The following LNX1 variants were observed in gnomAD, a reference collection of about 807,000 sequenced individuals.
LNX1 encodes the protein ligand of numb-protein X 1, also known as E3 ubiquitin-protein ligase LNX.
In LNX1, 54 loss-of-function variants were observed where a neutral mutation model predicts 68.4. The observed-to-expected ratio is 0.79, with a 90% CI of 0.63 to 0.99. The LOEUF (loss-of-function observed/expected upper bound fraction) is 0.99, where lower values mean the gene tolerates loss of function less well. Among genes scored for constraint, LNX1 ranks in the 50% least tolerant of loss-of-function variants. The probability of loss-of-function intolerance (pLI) is 0.00; values close to 1 mark genes in which losing one functional copy is unlikely to be tolerated. For missense variants in LNX1, 906 were observed against 926.4 expected, an observed-to-expected ratio of 0.98 and a Z score of 0.29; for synonymous variants, 336 against 350.0, an observed-to-expected ratio of 0.96 and a Z score of 0.45.
intron 2 of LNX1, among the ~76,000 whole-genome samples, chr4:53,530,253 T>TA (rs1447690380): frequency 6.6e-6 from 1 of 152,028 alleles, no homozygotes; most frequent in Non-Finnish European, 1.5e-5. Context: ...GAATCGTAAG[T>TA]AAAAAAGCCT....
Position 53,574,031 on chromosome 4 carries a change from A to G in LNX1, c.-29T>C, listed in dbSNP as rs1268670239. ...GGATTGGAGAGCAGTATAACAGGAA[A>G]CTCAGTCACACAATATTTCCTCAGG... On this transcript the variant is annotated 5_prime_UTR_variant, in exon 2 of 11. Transcript: ENST00000263925. The G allele has an allele frequency of 6.4e-7, 1 of 1,574,260 alleles. No homozygotes were observed. Among genetic ancestry groups the G allele is most frequent in the East Asian group, 2.3e-5 (1 of 44,426 alleles).
At chr4:53,590,071 C>G (rs544894704) in intron 1 of LNX1, among the ~76,000 whole-genome samples, 1 of 152,046 alleles carries the variant, frequency 6.6e-6, no homozygotes, top group Non-Finnish European at 1.5e-5. Flanking sequence ...CAAGTGGTGG[C>G]CAAACCCCCC....
chr4:53,562,222 G>C (rs2109741408), intron 2 of LNX1, among the ~76,000 whole-genome samples: 1 of 152,326 alleles, frequency 6.6e-6, no homozygotes, highest in South Asian at 2.1e-4. Flanking sequence ...TTGAAAGTCT[G>C]GGTCAAGAGA....
chr4:53,525,881 A>G (rs1727575065), intron 2 of LNX1, among the ~76,000 whole-genome samples: 2 of 152,170 alleles, frequency 1.3e-5, no homozygotes, highest in Non-Finnish European at 2.9e-5. Flanking sequence ...TAAGATAATG[A>G]AATTCTTTGT....
intron 1 of LNX1, among the ~76,000 whole-genome samples, chr4:53,643,135 G>T (rs905234834): frequency 7.9e-5 from 12 of 152,154 alleles, no homozygotes; most frequent in Admixed American, 4.6e-4. Context: ...GTATTGTTGA[G>T]TCAAGAAATC....
chr4:53,567,552 T>C (rs1194737811), intron 2 of LNX1, among the ~76,000 whole-genome samples: 3 of 152,136 alleles, frequency 2.0e-5, no homozygotes, highest in African/African-American at 7.2e-5. Context: ...AGGAAAGATC[T>C]AAAATTGACA....
chr4:53,627,098 A>G (rs1734105280), intron 1 of LNX1, among the ~76,000 whole-genome samples: 1 of 152,150 alleles, frequency 6.6e-6, no homozygotes, highest in Non-Finnish European at 1.5e-5. Context: ...CCCCAGGTAC[A>G]CTTACTGGGT....
rs1020684576 is a variant in LNX1, at chr4:53,469,184, A to T, written c.1892+7569T>A. Among the ~76,000 whole-genome samples the T allele has an allele frequency of 3.9e-5, 6 of 152,288 alleles. 1 individual carries two copies. Among genetic ancestry groups the T allele is most frequent in the African/African-American group, 1.4e-4 (6 of 41,562 alleles). On this transcript the variant is annotated intron_variant, in intron 9 of 10. Transcript: ENST00000263925. ...TCAAACTAGAACTCAGGATTAAGAAACTCACTCAAAACTGCTCAACTACAT... is the reference window on the plus strand; with the variant it reads ...TCAAACTAGAACTCAGGATTAAGAATCTCACTCAAAACTGCTCAACTACAT...
At chr4:53,612,517 T>A (rs66944126) in intron 2 of LNX1, among the ~76,000 whole-genome samples, 49,112 of 151,980 alleles carry the variant, frequency 0.32, 8,267 homozygotes, top group East Asian at 0.53. Flanking sequence ...TTATGGCATA[T>A]CCATATGATG....
At chr4:53,651,491 C>G (rs1260996963) in intron 1 of LNX1, among the ~76,000 whole-genome samples, 1 of 152,232 alleles carries the variant, frequency 6.6e-6, no homozygotes, top group African/African-American at 2.4e-5. Flanking sequence ...CTATCTATTT[C>G]TGGATTTTCC....
rs190967131 is a variant in LNX1, at chr4:53,474,366, A to G, written c.1892+2387T>C. ...TTTATAAGTAAAATTTTATTGGAAC[A>G]CAGCCTTCCTCATTCATTCATGTAT... is the stretch of plus-strand genomic sequence containing the variant. On this transcript the variant is annotated intron_variant, in intron 9 of 10. Transcript: ENST00000263925. Among the ~76,000 whole-genome samples the G allele has an allele frequency of 7.2e-5, 11 of 152,348 alleles. No homozygotes were observed. The East Asian group carries it at 1.9e-3, about 27-fold the overall frequency.
At chr4:53,562,139 A>C (rs1730335784) in intron 2 of LNX1, among the ~76,000 whole-genome samples, 1 of 152,196 alleles carries the variant, frequency 6.6e-6, no homozygotes, top group South Asian at 2.1e-4. Context: ...CAAAATGGAA[A>C]TGTGGTCTTG....
intron 1 of LNX1, among the ~76,000 whole-genome samples, chr4:53,590,694 A>G (rs6843031): frequency 0.99 from 150,486 of 152,344 alleles, 74,374 homozygotes; most frequent in Middle Eastern, 1. Flanking sequence ...ACATTCTTGC[A>G]GCAATGAGGG....
chr4:53,564,223 C>T (rs1057165611), intron 2 of LNX1, among the ~76,000 whole-genome samples: 3 of 152,188 alleles, frequency 2.0e-5, no homozygotes, highest in African/African-American at 7.2e-5. Flanking sequence ...ACACGGGCTG[C>T]ATGGGCTAAG....
intron 1 of LNX1, 98 bp downstream of exon 1, chr4:53,591,290 C>T (rs1577770603): frequency 1.4e-6 from 1 of 707,460 alleles, no homozygotes. Flanking sequence ...AGCGACAAGC[C>T]GTTCAGCTTG....
intron 1 of LNX1, among the ~76,000 whole-genome samples, chr4:53,587,404 C>A (rs542117827): frequency 1.8e-4 from 28 of 152,294 alleles, no homozygotes; most frequent in African/African-American, 6.7e-4. Flanking sequence ...AGTCTTCCTT[C>A]CAAACAGTTT....
At chr4:53,486,543 A>C (rs946241987) in intron 6 of LNX1, among the ~76,000 whole-genome samples, 1 of 152,206 alleles carries the variant, frequency 6.6e-6, no homozygotes, top group African/African-American at 2.4e-5. Context: ...CCTTGAGGAC[A>C]TGGTTCCTGC....
At position 53,575,613 on chromosome 4, in the gene LNX1, C is replaced by T. The variant is rs192631074; in HGVS notation, c.-86-1525G>A. 2.9e-4 allele frequency: 384 copies of T among 1,303,244 alleles called. 4 individuals are homozygous for T. In the Admixed American group the frequency reaches 0.013, roughly 43 times the overall value. 80.7% of individuals were successfully genotyped at this position (1,303,244 alleles called of 1,614,324 possible). On this transcript the variant is annotated intron_variant, in intron 1 of 10. Transcript: ENST00000263925. ...GTGATTAAGAATCCCACCTTGGGAC[C>T]AGGCCCGCTTTTGGCTGCATTGGCT...
chr4:53,512,856 G>T (rs1726456764), intron 2 of LNX1, among the ~76,000 whole-genome samples: 1 of 152,138 alleles, frequency 6.6e-6, no homozygotes, highest in Admixed American at 6.5e-5. Context: ...CTGGGGCCAG[G>T]CTGGGAGACT....
Sources: allele counts gnomAD v4.1 joint callset (sites outside exome capture counted in the v4.1 genomes callset), GRCh38; gene constraint gnomAD v4.1.1; transcripts MANE v1.5; gene names NCBI Gene and HGNC (gene_info 2026-07-23, HGNC 2026-07-21).